The following ZNF562 variants were observed in gnomAD, a reference collection of about 807,000 sequenced individuals.
ZNF562 encodes the protein zinc finger protein 562.
ZNF562 carries 13 observed loss-of-function variants against 17.5 expected under a neutral mutation model. That is an observed-to-expected ratio of 0.74 (90% confidence interval 0.48 to 1.18). The LOEUF is 1.18. ZNF562 is among the 50% of genes most tolerant of loss of function. The probability of loss-of-function intolerance (pLI) is 0.00; values close to 1 mark genes in which losing one functional copy is unlikely to be tolerated. For missense variants in ZNF562, 481 were observed against 498.5 expected, an observed-to-expected ratio of 0.96 and a Z score of 0.33; for synonymous variants, 163 against 165.4, an observed-to-expected ratio of 0.99 and a Z score of 0.11.
chr19:9,670,017 G>A (rs890307902), intron 1 of ZNF562, among the ~76,000 whole-genome samples: 10 of 152,082 alleles, frequency 6.6e-5, no homozygotes, highest in Admixed American at 2.6e-4. Context: ...AACCAAGATC[G>A]TGCCACTGCA....
At position 9,645,431 on chromosome 19, in the gene ZNF562, G is replaced by A. The variant is rs918572050; in HGVS notation, c.*7518C>T. On this transcript the variant is annotated 3_prime_UTR_variant, in exon 6 of 6. Coordinates refer to ENST00000453372, the MANE Select transcript of ZNF562 (RefSeq NM_001130031.2). ...AAGAACCACAGTTTATTGGCTTGTG[G>A]GCAAAGGGGTATGTGTATCAGTTGG... 6.6e-6 allele frequency: 1 copy of A among 152,140 alleles called. No homozygotes were observed. Among genetic ancestry groups the A allele is most frequent in the African/African-American group, 2.4e-5 (1 of 41,412 alleles). 9.4% of individuals were successfully genotyped at this position (152,140 alleles called of 1,614,324 possible).
At chr19:9,670,620 G>C (rs1404231640) in intron 1 of ZNF562, among the ~76,000 whole-genome samples, 1 of 152,154 alleles carries the variant, frequency 6.6e-6, no homozygotes, top group African/African-American at 2.4e-5. Context: ...GAGCTAAAAA[G>C]TGGATCTCAT....
chr19:9,674,076 C>T (rs1256119112), intron 1 of ZNF562, among the ~76,000 whole-genome samples: 2 of 152,202 alleles, frequency 1.3e-5, no homozygotes. Flanking sequence ...GGTTCTTATT[C>T]TTGAGGAAAG....
intron 5 of ZNF562, among the ~76,000 whole-genome samples, chr19:9,655,878 G>T (rs1001343108): frequency 6.6e-6 from 1 of 151,232 alleles, no homozygotes; most frequent in African/African-American, 2.4e-5. Flanking sequence ...GATAACGGGT[G>T]CCCACCACCA....
rs2074864428 is a variant in ZNF562 at position 9,651,331 on chromosome 19, A to G, written c.*1618T>C. 1 of 152,220 alleles carries G rather than the reference A, an allele frequency of 6.6e-6. No individual in the cohort carries two copies. Among genetic ancestry groups the G allele is most frequent in the African/African-American group, 2.4e-5 (1 of 41,446 alleles). 9.4% of individuals were successfully genotyped at this position (152,220 alleles called of 1,614,324 possible). A position where few individuals can be genotyped will look rare whatever the true frequency, so the allele number is the denominator to read the frequency against. Reference sequence around the variant, plus strand: ...TGGCAGAACTGTATTCTAGCATTTTACGGAAGGTAGAGCTTGAGACAGATA... The same window carrying G: ...TGGCAGAACTGTATTCTAGCATTTTGCGGAAGGTAGAGCTTGAGACAGATA... On this transcript the variant is annotated 3_prime_UTR_variant, in exon 6 of 6. Transcript: ENST00000453372.
chr19:9,650,170 T>C lies in ZNF562; in HGVS notation c.*2779A>G, dbSNP rs1417460270. 1 of 152,092 alleles carries C rather than the reference T, an allele frequency of 6.6e-6. No individual in the cohort carries two copies. Among genetic ancestry groups the C allele is most frequent in the East Asian group, 1.9e-4 (1 of 5,188 alleles). 9.4% of individuals were successfully genotyped at this position (152,092 alleles called of 1,614,324 possible). A position where few individuals can be genotyped will look rare whatever the true frequency, so the allele number is the denominator to read the frequency against. On this transcript the variant is annotated 3_prime_UTR_variant, in exon 6 of 6. Transcript: ENST00000453372. ...ACAAGTATGCTGGTATTACTACTTT[T>C]AGTTGGTGTTGTGCAGCGGGTTAAA...
At chr19:9,672,822 C>G (rs946830778) in intron 1 of ZNF562, among the ~76,000 whole-genome samples, 10 of 149,130 alleles carry the variant, frequency 6.7e-5, no homozygotes, top group African/African-American at 2.5e-4. Context: ...TCTTGTCACC[C>G]AGGCTGGAGG....
chr19:9,660,180 T>G (rs2043683858), intron 2 of ZNF562, among the ~76,000 whole-genome samples: 1 of 151,498 alleles, frequency 6.6e-6, no homozygotes, highest in South Asian at 2.1e-4. Flanking sequence ...AGAGAATTGC[T>G]TGAACCCAGC....
At chr19:9,654,818 C>T (rs1007964267) in intron 5 of ZNF562, among the ~76,000 whole-genome samples, 37 of 152,208 alleles carry the variant, frequency 2.4e-4, no homozygotes, top group Middle Eastern at 3.4e-3. Context: ...AAGAAACCCC[C>T]GTCTCAGCCT....
intron 1 of ZNF562, among the ~76,000 whole-genome samples, chr19:9,668,680 G>A (rs1312739834): frequency 6.6e-6 from 1 of 151,918 alleles, no homozygotes; most frequent in African/African-American, 2.4e-5. Context: ...AAAGAACAAA[G>A]CTGGAATCAT....
At chr19:9,670,929 G>A (rs753346619) in intron 1 of ZNF562, among the ~76,000 whole-genome samples, 2 of 151,744 alleles carry the variant, frequency 1.3e-5, no homozygotes, top group African/African-American at 2.4e-5. Context: ...TCCGGGAGGA[G>A]GCAGAGGTTG....
At chr19:9,659,051 T>G (rs2043625607) in intron 3 of ZNF562, among the ~76,000 whole-genome samples, 1 of 152,250 alleles carries the variant, frequency 6.6e-6, no homozygotes, top group Non-Finnish European at 1.5e-5. Flanking sequence ...ACCTGATAAA[T>G]GCTGATGAGT....
intron 1 of ZNF562, among the ~76,000 whole-genome samples, chr19:9,673,946 A>C (rs905987477): frequency 2.7e-5 from 4 of 149,514 alleles, no homozygotes; most frequent in Non-Finnish European, 4.4e-5. Context: ...TCATGCCACA[A>C]AAAAAAAGCA....
In ZNF562 at chr19:9,642,784, T is replaced by G. The variant is rs2074780860; in HGVS notation, c.*10165A>C. ...GGCTCAACCCTGTCATCCTAGCATT[T>G]TGGGAGGCTGATGCAGAAGGATAAC... On this transcript the variant is annotated 3_prime_UTR_variant, in exon 6 of 6. Coordinates refer to ENST00000453372, the MANE Select transcript of ZNF562 (RefSeq NM_001130031.2). 6.6e-6 allele frequency: 1 copy of G among 151,522 alleles called. No individual in the cohort carries two copies. Among genetic ancestry groups the G allele is most frequent in the Non-Finnish European group, 1.5e-5 (1 of 67,940 alleles). The allele number at this position is 151,522 out of a possible 1,614,324, so 9.4% of individuals were successfully genotyped here.
In ZNF562 at chr19:9,644,427, C is replaced by T. The variant is rs2074793164; in HGVS notation, c.*8522G>A. On this transcript the variant is annotated 3_prime_UTR_variant, in exon 6 of 6. Coordinates refer to ENST00000453372, the MANE Select transcript of ZNF562 (RefSeq NM_001130031.2). ...GCAATGGAGTGAGATACCTTCTCTACCAAAATAAAAAAGTGTGAGTTTAGG... is the reference window on the plus strand; with the variant it reads ...GCAATGGAGTGAGATACCTTCTCTATCAAAATAAAAAAGTGTGAGTTTAGG... 1 of 151,916 alleles carries T rather than the reference C, an allele frequency of 6.6e-6. No homozygotes were observed. The highest frequency in any genetic ancestry group is 2.1e-4 in the South Asian group (1 of 4,820). 9.4% of individuals were successfully genotyped at this position (151,916 alleles called of 1,614,324 possible).
In ZNF562 at chr19:9,661,684, A is replaced by G. The variant is rs1286331306; in HGVS notation, c.-130-810T>C. ...GTGGTGGGCACCTGGAATCCCAGCT[A>G]CTCAGGATGCTGAGGAAGGAGAATC... On this transcript the variant is annotated intron_variant, in intron 1 of 5. Transcript: ENST00000453372. Among the ~76,000 whole-genome samples, 5 of 152,180 alleles carry G rather than the reference A, an allele frequency of 3.3e-5. No individual in the cohort carries two copies. The East Asian group carries it at 7.8e-4, about 24-fold the overall frequency.
chr19:9,670,333 T>C (rs1248855291), intron 1 of ZNF562, among the ~76,000 whole-genome samples: 1 of 151,958 alleles, frequency 6.6e-6, no homozygotes, highest in African/African-American at 2.4e-5. Flanking sequence ...TGGGTATATA[T>C]CCAAAAGAAA....
chr19:9,662,859 A>G (rs907688356), intron 1 of ZNF562, among the ~76,000 whole-genome samples: 1 of 151,824 alleles, frequency 6.6e-6, no homozygotes, highest in African/African-American at 2.4e-5. Context: ...CATCTCTACT[A>G]AAAATACAAA....
rs1035774991 is a variant in ZNF562, at chr19:9,649,270, G to T, written c.*3679C>A. On this transcript the variant is annotated 3_prime_UTR_variant, in exon 6 of 6. Transcript: ENST00000453372. Reference sequence around the variant, plus strand: ...CTGAGGAGGATGTATATTACCTCAGGACCCTGTAATAATTGCATTAACTGC... The same window carrying T: ...CTGAGGAGGATGTATATTACCTCAGTACCCTGTAATAATTGCATTAACTGC... The T allele has an allele frequency of 6.6e-6, 1 of 152,018 alleles. No individual in the cohort carries two copies. Among genetic ancestry groups the T allele is most frequent in the Non-Finnish European group, 1.5e-5 (1 of 68,016 alleles). The allele number at this position is 152,018 out of a possible 1,614,324, so 9.4% of individuals were successfully genotyped here.
Sources: gnomAD v4.1 joint callset for allele counts (sites outside exome capture counted in the v4.1 genomes callset) on GRCh38, gnomAD v4.1.1 for gene constraint, MANE v1.5 for transcripts, NCBI Gene and HGNC (gene_info 2026-07-23, HGNC 2026-07-21) for gene names.